SMAD6: variants seen among roughly 807,000 people sequenced by gnomAD.
The protein encoded by SMAD6 is SMAD family member 6.
SMAD6 carries 103 observed loss-of-function variants against 39.4 expected under a neutral mutation model. The ratio of observed to expected loss-of-function variants is 2.62; its 90% CI spans 2.23 to 3.08. SMAD6 has a LOEUF of 3.08. Ranked by LOEUF, SMAD6 falls within the 30% of genes most tolerant of loss-of-function variation. The pLI is 0.00. For missense variants in SMAD6, 1,104 were observed against 742.9 expected, an observed-to-expected ratio of 1.49 and a Z score of -5.65; for synonymous variants, 445 against 353.3, an observed-to-expected ratio of 1.26 and a Z score of -2.91.
intron 3 of SMAD6, among the ~76,000 whole-genome samples, chr15:66,753,557 G>A (rs889306614): frequency 6.6e-6 from 1 of 152,166 alleles, no homozygotes; most frequent in East Asian, 1.9e-4. Context: ...GAAGGGAAGC[G>A]ACTTACTCAA....
chr15:66,737,513 A>G (rs1457435330), intron 3 of SMAD6, among the ~76,000 whole-genome samples: 2 of 152,088 alleles, frequency 1.3e-5, no homozygotes, highest in Non-Finnish European at 2.9e-5. Context: ...CACTTGGCAC[A>G]TGGGTGTTGA....
At chr15:66,750,100 G>A (rs1382360147) in intron 3 of SMAD6, among the ~76,000 whole-genome samples, 1 of 152,094 alleles carries the variant, frequency 6.6e-6, no homozygotes, top group Non-Finnish European at 1.5e-5. Flanking sequence ...GTGGGCTGCT[G>A]TGGGGGACGC....
intron 3 of SMAD6, among the ~76,000 whole-genome samples, chr15:66,778,838 G>C (rs1188787587): frequency 6.6e-6 from 1 of 152,216 alleles, no homozygotes; most frequent in Non-Finnish European, 1.5e-5. Context: ...GTAGAGGTGA[G>C]ATGAGGCTGT....
Position 66,719,684 on chromosome 15 carries a change from T to G in SMAD6, c.952+3186T>G, listed in dbSNP as rs186956958. Reference sequence around the variant, plus strand: ...TTCCCTGTCCTGTTGTTGAGGCCACTTGGGGGAAGGATGGGCCTCTTGAGG... The same window carrying G: ...TTCCCTGTCCTGTTGTTGAGGCCACGTGGGGGAAGGATGGGCCTCTTGAGG... On this transcript the variant is annotated intron_variant, in intron 3 of 3. Transcript: ENST00000288840. 3.1e-3 allele frequency among the ~76,000 whole-genome samples: 471 copies of G among 152,262 alleles called. 3 individuals carry two copies. Among genetic ancestry groups the G allele is most frequent in the African/African-American group, 0.011 (457 of 41,560 alleles).
intron 3 of SMAD6, among the ~76,000 whole-genome samples, chr15:66,718,597 G>A (rs1181956643): frequency 6.6e-6 from 1 of 152,236 alleles, no homozygotes; most frequent in Non-Finnish European, 1.5e-5. Flanking sequence ...TAGGTGAATG[G>A]AGTGTTTCCC....
intron 3 of SMAD6, among the ~76,000 whole-genome samples, chr15:66,742,311 C>G (rs892805010): frequency 6.6e-6 from 1 of 152,164 alleles, no homozygotes; most frequent in Non-Finnish European, 1.5e-5. Flanking sequence ...CCACCAATGT[C>G]TGGTTTCCCT....
chr15:66,761,349 A>G (rs1009927819), intron 3 of SMAD6, among the ~76,000 whole-genome samples: 2 of 152,148 alleles, frequency 1.3e-5, no homozygotes, highest in African/African-American at 4.8e-5. Flanking sequence ...TTACAATGTT[A>G]TCTTCAGAAT....
chr15:66,738,498 C>T lies in SMAD6; in HGVS notation c.952+22000C>T, dbSNP rs769810643. 3.9e-5 allele frequency among the ~76,000 whole-genome samples: 6 copies of T among 152,200 alleles called. No homozygotes were observed. The East Asian group carries it at 7.7e-4, about 20-fold the overall frequency. On this transcript the variant is annotated intron_variant, in intron 3 of 3. Transcript: ENST00000288840. ...AGAAAAATATTGCCTGTTCCACAACCGCCATGCCCAGTTTCCTTTCTGTCC... is the reference window on the plus strand; with the variant it reads ...AGAAAAATATTGCCTGTTCCACAACTGCCATGCCCAGTTTCCTTTCTGTCC...
chr15:66,705,875 AG>A (rs1893100845), intron 1 of SMAD6: 1 of 151,594 alleles, frequency 6.6e-6, no homozygotes, highest in African/African-American at 2.5e-5. Flanking sequence ...GGAGCTCCAC[AG>A]CTCCAACCTG....
chr15:66,760,376 C>T (rs1894176933), intron 3 of SMAD6, among the ~76,000 whole-genome samples: 1 of 152,204 alleles, frequency 6.6e-6, no homozygotes, highest in Non-Finnish European at 1.5e-5. Flanking sequence ...GGAAGACTCC[C>T]TGCGTGCCAG....
In SMAD6 at chr15:66,781,325, G is replaced by A. The variant is rs2140682028; in HGVS notation, c.1281G>A (p.Val427=). ...CGCCCGGCGGCCGCGCCCTGGTCGTGCGCAAGGTGCCCCCCGGCTACTCCA... is the reference window on the plus strand; with the variant it reads ...CGCCCGGCGGCCGCGCCCTGGTCGTACGCAAGGTGCCCCCCGGCTACTCCA... ...LDAPGGRALV[V]RKVPPGYSIK... The change falls in exon 4 of 4, where the codon GTG becomes GTA. Residue 427 remains valine, a synonymous_variant. Coordinates refer to ENST00000288840, the MANE Select transcript of SMAD6 (RefSeq NM_005585.5). The A allele has an allele frequency of 1.9e-6, 3 of 1,599,006 alleles. No individual in the cohort carries two copies. The highest frequency in any genetic ancestry group is 3.3e-4 in the Middle Eastern group (2 of 6,044).
chr15:66,770,827 C>A (rs1023879378), intron 3 of SMAD6, among the ~76,000 whole-genome samples: 2 of 152,214 alleles, frequency 1.3e-5, no homozygotes, highest in African/African-American at 4.8e-5. Context: ...CCCTGCCTTG[C>A]TTGCCAGGTG....
intron 3 of SMAD6, among the ~76,000 whole-genome samples, chr15:66,751,733 T>C (rs1894009696): frequency 6.6e-6 from 1 of 152,260 alleles, no homozygotes. Context: ...AGAGCTTGGA[T>C]GTCTGAGTTG....
At chr15:66,754,877 G>T (rs565740631) in intron 3 of SMAD6, among the ~76,000 whole-genome samples, 2 of 152,136 alleles carry the variant, frequency 1.3e-5, no homozygotes, top group Admixed American at 6.5e-5. Context: ...GTAAGGGGAG[G>T]CTGTGTGGGC....
At chr15:66,753,450 C>G (rs1022815332) in intron 3 of SMAD6, among the ~76,000 whole-genome samples, 3 of 152,222 alleles carry the variant, frequency 2.0e-5, no homozygotes, top group African/African-American at 7.2e-5. Flanking sequence ...ACCATCTGTT[C>G]TGTTCCCTCC....
At chr15:66,710,581 C>T (rs545790808) in intron 1 of SMAD6, among the ~76,000 whole-genome samples, 3 of 150,884 alleles carry the variant, frequency 2.0e-5, no homozygotes, top group Non-Finnish European at 4.4e-5. Context: ...TACTGATACC[C>T]GCTTAATAAT....
At chr15:66,753,070 T>C (rs2140649841) in intron 3 of SMAD6, among the ~76,000 whole-genome samples, 1 of 152,338 alleles carries the variant, frequency 6.6e-6, no homozygotes, top group South Asian at 2.1e-4. Context: ...TATTGCCATT[T>C]TGCAGGTGAA....
intron 3 of SMAD6, among the ~76,000 whole-genome samples, chr15:66,765,805 C>G (rs1427091272): frequency 2.0e-5 from 3 of 152,138 alleles, no homozygotes; most frequent in African/African-American, 7.2e-5. Context: ...ATTTTTAACT[C>G]TGGTGTTAGA....
chr15:66,738,633 C>G (rs1056475085), intron 3 of SMAD6, among the ~76,000 whole-genome samples: 1 of 152,162 alleles, frequency 6.6e-6, no homozygotes, highest in Non-Finnish European at 1.5e-5. Context: ...AAACACTTTT[C>G]CATGTTGCAC....
Sources: gnomAD v4.1 joint callset for allele counts (sites outside exome capture counted in the v4.1 genomes callset) on GRCh38, gnomAD v4.1.1 for gene constraint, MANE v1.5 for transcripts, NCBI Gene and HGNC (gene_info 2026-07-23, HGNC 2026-07-21) for gene names.